The following ZFYVE16 variants were observed in gnomAD, a reference collection of about 807,000 sequenced individuals.
ZFYVE16 encodes zinc finger FYVE domain-containing protein 16.
In ZFYVE16, 89 loss-of-function variants were observed where a neutral mutation model predicts 138.1. The observed-to-expected ratio is 0.64, with a 90% confidence interval of 0.54 to 0.77. The LOEUF is 0.77. ZFYVE16 is among the 30% of genes least tolerant of loss of function. The pLI, the probability that ZFYVE16 is intolerant of heterozygous loss-of-function variation, is 0.00. For synonymous variants in ZFYVE16, 596 were observed against 618.3 expected (o/e 0.96, Z 0.53); for missense variants, 1,793 against 1,786.7 (o/e 1.00, Z -0.06).
In ZFYVE16 at chr5:80,443,273, C is replaced by G. The variant is rs766497650; in HGVS notation, c.2570C>G (p.Pro857Arg). The stretch of plus-strand genomic sequence containing the variant: ...TTGCCAGTCTCAGCACTTAAACAAC[C>G]AGGTGTTGAAGGTAATAGAAGAAAA... ...ATLPVSALKQ[P>R]GVEGLCSKEQ... The change falls in exon 6 of 19, where the codon CCA becomes CGA. Residue 857 changes from proline to arginine, a missense_variant. This residue lies in a region of ZFYVE16 where 1,295 missense variants were observed against 1,204.3 expected (regional missense o/e 1.08). Coordinates refer to ENST00000505560, the MANE Select transcript of ZFYVE16 (RefSeq NM_001284236.3). 1 of 1,606,826 alleles carries G rather than the reference C, an allele frequency of 6.2e-7. No homozygotes were observed. The highest frequency in any genetic ancestry group is 1.3e-5 in the African/African-American group (1 of 74,336).
intron 2 of ZFYVE16, among the ~76,000 whole-genome samples, chr5:80,430,217 A>G (rs1346571508): frequency 6.6e-6 from 1 of 152,208 alleles, no homozygotes; most frequent in Non-Finnish European, 1.5e-5. Context: ...AATGTAAAAG[A>G]ACAGAAATTA....
At chr5:80,424,384 A>G (rs924275840) in intron 1 of ZFYVE16, among the ~76,000 whole-genome samples, 1 of 150,236 alleles carries the variant, frequency 6.7e-6, no homozygotes, top group Admixed American at 6.6e-5. Flanking sequence ...TCATGGTTGC[A>G]TTGCTTTTTT....
chr5:80,423,702 A>AT (rs886892455), intron 1 of ZFYVE16, among the ~76,000 whole-genome samples: 6 of 150,576 alleles, frequency 4.0e-5, no homozygotes, highest in African/African-American at 7.3e-5. Flanking sequence ...TGCCTGGCTA[A>AT]TTTTTTTTGT....
chr5:80,437,406 G>C lies in ZFYVE16; in HGVS notation c.721G>C (p.Asp241His). Residue 241 changes from aspartate (D) to histidine (H), a missense_variant, in exon 4 of 19, where the codon GAT (aspartate) becomes CAT (histidine). Asp to His is a moderately conservative substitution (Grantham distance 81). Coordinates refer to ENST00000505560, the MANE Select transcript of ZFYVE16 (RefSeq NM_001284236.3). Reference sequence around the variant, plus strand: ...CTTTAATCAGTTAGAATCAATTGTTGATTTTAACATGTCATCTGCTTTGAC... The same window carrying C: ...CTTTAATCAGTTAGAATCAATTGTTCATTTTAACATGTCATCTGCTTTGAC... Reference protein sequence around the residue: ...KIFNQLESIVDFNMSSALTRQ... With the variant: ...KIFNQLESIVHFNMSSALTRQ... 8.1e-6 allele frequency: 13 copies of C among 1,604,814 alleles called. No individual in the cohort carries two copies. The highest frequency in any genetic ancestry group is 1.0e-5 in the Non-Finnish European group (12 of 1,176,964).
At chr5:80,441,241 T>C (rs1228759024) in intron 5 of ZFYVE16, 48 of 985,328 alleles carry the variant, frequency 4.9e-5, no homozygotes, top group Non-Finnish European at 5.5e-5. Flanking sequence ...ACGTTATTTA[T>C]GTTGACAGGT....
rs181746502 is a variant in ZFYVE16, at chr5:80,428,110, G to A, written c.-40+565G>A. ...CCAACTGAGATTTGAAGAGAGCAGC[G>A]GTTCTCCCAGCACGGAGTTTGAGAT... On this transcript the variant is annotated intron_variant, in intron 2 of 18. Transcript: ENST00000505560. Among the ~76,000 whole-genome samples the A allele has an allele frequency of 1.1e-3, 165 of 151,990 alleles. 1 individual carries two copies. The highest frequency in any genetic ancestry group is 1.9e-3 in the Non-Finnish European group (126 of 67,956).
At chr5:80,466,969 A>T (rs1753813259) in intron 15 of ZFYVE16, among the ~76,000 whole-genome samples, 1 of 152,214 alleles carries the variant, frequency 6.6e-6, no homozygotes, top group African/African-American at 2.4e-5. Context: ...GCAGGCTTAT[A>T]GCCAGTGGTG....
At chr5:80,439,037 GT>G in intron 4 of ZFYVE16, 30 bp downstream of exon 4, 1 of 1,567,558 alleles carries the variant, frequency 6.4e-7, no homozygotes, top group African/African-American at 1.4e-5. Context: ...TAAGTCTTTT[GT>G]TCTTTTGAGA....
chr5:80,410,864 G>A (rs1745333463), intron 1 of ZFYVE16, among the ~76,000 whole-genome samples: 1 of 149,692 alleles, frequency 6.7e-6, no homozygotes, highest in East Asian at 2.0e-4. Flanking sequence ...CACCTCACCC[G>A]ACCTTAGGAA....
At chr5:80,440,725 A>G (rs1245743598) in intron 5 of ZFYVE16, 12 of 971,056 alleles carry the variant, frequency 1.2e-5, no homozygotes, top group African/African-American at 3.7e-5. Context: ...CCCCAAGTCC[A>G]TGTTTATTCT....
chr5:80,468,122 G>A (rs1031236924), intron 15 of ZFYVE16, among the ~76,000 whole-genome samples: 15 of 152,118 alleles, frequency 9.9e-5, no homozygotes, highest in Admixed American at 6.5e-4. Context: ...TTTCATGTTC[G>A]TTTTAGGATC....
At chr5:80,443,034 C>T in intron 5 of ZFYVE16, 89 bp from the exon 6 acceptor site, 1 of 1,279,372 alleles carries the variant, frequency 7.8e-7, no homozygotes, top group East Asian at 2.8e-5. Flanking sequence ...CTCCTTACAA[C>T]TTGAAAAATA....
chr5:80,452,466 A>G (rs1182395147), intron 11 of ZFYVE16: 1 of 148,734 alleles, frequency 6.7e-6, no homozygotes, highest in Non-Finnish European at 1.5e-5. Context: ...AAAAAGTTAC[A>G]GATTTCAGAG....
At chr5:80,411,520 A>G (rs1745458512) in intron 1 of ZFYVE16, 1 of 152,010 alleles carries the variant, frequency 6.6e-6, no homozygotes, top group African/African-American at 2.4e-5. Context: ...TATATTGGAT[A>G]TTTTTCTACT....
Position 80,479,496 on chromosome 5 carries a change from C to G in ZFYVE16, c.*2119C>G, listed in dbSNP as rs1209582056. Reference sequence around the variant, plus strand: ...TTTATCAACATTTATGGATTCCATGCCACAAGTAGTATGCGCTTAAGTGCA... The same window carrying G: ...TTTATCAACATTTATGGATTCCATGGCACAAGTAGTATGCGCTTAAGTGCA... On this transcript the variant is annotated 3_prime_UTR_variant, in exon 19 of 19. Transcript: ENST00000505560. 1 of 152,138 alleles carries G rather than the reference C, an allele frequency of 6.6e-6. No individual in the cohort carries two copies. The highest frequency in any genetic ancestry group is 1.5e-5 in the Non-Finnish European group (1 of 68,016). The allele number at this position is 152,138 out of a possible 1,614,324, so 9.4% of individuals were successfully genotyped here. A position where few individuals can be genotyped will look rare whatever the true frequency, so the allele number is the denominator to read the frequency against.
chr5:80,446,524 T>A (rs1751372142), intron 7 of ZFYVE16, among the ~76,000 whole-genome samples: 1 of 152,120 alleles, frequency 6.6e-6, no homozygotes, highest in East Asian at 1.9e-4. Context: ...TATTCTCACA[T>A]CTGGTTCTAC....
At chr5:80,431,344 A>G (rs923362187) in intron 2 of ZFYVE16, among the ~76,000 whole-genome samples, 3 of 152,220 alleles carry the variant, frequency 2.0e-5, no homozygotes, top group Non-Finnish European at 2.9e-5. Flanking sequence ...AAACCACATG[A>G]TTATCTCAAT....
At chr5:80,459,719 CTTGTTTTTTACT>C (rs1216611735) in intron 15 of ZFYVE16, among the ~76,000 whole-genome samples, 13 of 152,078 alleles carry the variant, frequency 8.5e-5, no homozygotes, top group African/African-American at 3.1e-4. Flanking sequence ...CATTCTCTTG[CTTGTTTTTTACT>C]TTGTATATAC....
chr5:80,444,134 G>C (rs942076500), intron 6 of ZFYVE16, among the ~76,000 whole-genome samples: 3 of 152,090 alleles, frequency 2.0e-5, no homozygotes, highest in African/African-American at 7.2e-5. Flanking sequence ...ATAAGTATCA[G>C]TTAAAGGCAA....
Sources: allele counts gnomAD v4.1 joint callset (sites outside exome capture counted in the v4.1 genomes callset), GRCh38; gene constraint gnomAD v4.1.1; regional missense constraint gnomAD v4.1.1; transcripts MANE v1.5; gene names NCBI Gene and HGNC (gene_info 2026-07-23, HGNC 2026-07-21).